STK32B: variants seen among roughly 807,000 people sequenced by gnomAD.
STK32B encodes serine/threonine-protein kinase 32B.
A neutral mutation model predicts 52.6 loss-of-function variants in STK32B; 43 were observed. The ratio of observed to expected loss-of-function variants is 0.82; its 90% CI spans 0.64 to 1.05. The LOEUF is 1.05. Among genes scored for constraint, STK32B ranks in the 50% least tolerant of loss-of-function variants. STK32B has a pLI of 0.00. For missense variants in STK32B, 621 were observed against 534.6 expected (o/e 1.16, Z -1.59); for synonymous variants, 238 against 204.3 (o/e 1.17, Z -1.41).
At chr4:5,110,272 C>CAAAAAAAAAAAAAAAA (rs367760309) in intron 1 of STK32B, among the ~76,000 whole-genome samples, 1 of 106,720 alleles carries the variant, frequency 9.4e-6, no homozygotes, top group Non-Finnish European at 1.9e-5. Context: ...CATATGGAAC[C>CAAAAAAAAAAAAAAAA]AAAAAAAAAA....
At chr4:5,059,366 T>C (rs1427154139) in intron 1 of STK32B, among the ~76,000 whole-genome samples, 1 of 152,168 alleles carries the variant, frequency 6.6e-6, no homozygotes, top group Non-Finnish European at 1.5e-5. Context: ...TACCCTTTAT[T>C]GCACGGAAGA....
At chr4:5,106,648 A>G (rs1714123584) in intron 1 of STK32B, among the ~76,000 whole-genome samples, 1 of 152,212 alleles carries the variant, frequency 6.6e-6, no homozygotes, top group Admixed American at 6.5e-5. Flanking sequence ...ATTGAAATCA[A>G]ATCCAAAGAT....
intron 3 of STK32B, among the ~76,000 whole-genome samples, chr4:5,212,714 G>A (rs1218101978): frequency 6.6e-6 from 1 of 152,182 alleles, no homozygotes; most frequent in Admixed American, 6.5e-5. Flanking sequence ...GTGTTGGTGA[G>A]GGTAGGATGA....
the STK32B span, among the ~76,000 whole-genome samples, chr4:5,027,652 TG>T: frequency 0.11 from 17,035 of 152,256 alleles, 1,128 homozygotes; most frequent in Middle Eastern, 0.2. Context: ...TTGTTCTTTC[TG>T]GTTATCAACC....
At chr4:5,434,116 C>T (rs1713825414) in intron 6 of STK32B, among the ~76,000 whole-genome samples, 1 of 152,096 alleles carries the variant, frequency 6.6e-6, no homozygotes, top group Admixed American at 6.6e-5. Context: ...TCCCTGGTGC[C>T]CAGTGTCCGC....
chr4:5,446,645 G>T (rs924305800), intron 6 of STK32B, 28 bp from the exon 7 acceptor site: 1 of 1,602,688 alleles, frequency 6.2e-7, no homozygotes, highest in South Asian at 1.1e-5. Flanking sequence ...GATACACAAT[G>T]ATGTTCTCCT....
intron 1 of STK32B, among the ~76,000 whole-genome samples, chr4:5,130,885 T>G (rs1715729478): frequency 6.6e-6 from 1 of 152,238 alleles, no homozygotes; most frequent in Admixed American, 6.5e-5. Flanking sequence ...AATCCTTTCT[T>G]CTTCTCATCC....
Position 5,399,816 on chromosome 4 carries a change from C to T in STK32B, c.472+1572C>T, listed in dbSNP as rs928272078. On this transcript the variant is annotated intron_variant, in intron 5 of 11. Coordinates refer to ENST00000282908, the MANE Select transcript of STK32B (RefSeq NM_018401.3). The surrounding 1 kb of genome is among the most constrained non-coding windows in gnomAD (Gnocchi z 5.4). ...TCAGCCACCCATCACAGTATGCAAGCGCTCGGGAAGGGGTAGATAACTCGC... is the reference window on the plus strand; with the variant it reads ...TCAGCCACCCATCACAGTATGCAAGTGCTCGGGAAGGGGTAGATAACTCGC... 1.6e-4 allele frequency among the ~76,000 whole-genome samples: 24 copies of T among 152,136 alleles called. No individual in the cohort carries two copies. In the South Asian group the frequency reaches 1.7e-3, roughly 11 times the overall value.
intron 11 of STK32B, among the ~76,000 whole-genome samples, chr4:5,475,622 T>C (rs1254682323): frequency 1.4e-5 from 2 of 144,986 alleles, no homozygotes; most frequent in African/African-American, 5.1e-5. Context: ...TGCTTGAACC[T>C]GGAAAGCAGA....
chr4:5,497,648 G>A (rs547504407), intron 11 of STK32B, among the ~76,000 whole-genome samples: 29 of 152,298 alleles, frequency 1.9e-4, no homozygotes, highest in African/African-American at 7.0e-4. Flanking sequence ...GTATTTCAGT[G>A]TTATCTGAAG....
At position 5,069,183 on chromosome 4, in the gene STK32B, A is replaced by C. The variant is rs559983948; in HGVS notation, c.52+17268A>C. 1.4e-3 allele frequency among the ~76,000 whole-genome samples: 184 copies of C among 135,042 alleles called. 4 individuals are homozygous for C. The Admixed American group carries it at 0.014, about 11-fold the overall frequency. The allele number at this position is 135,042 out of a possible 152,430, so 88.6% of individuals were successfully genotyped here. ...TTGTGTTTTAGTTCAAGGTAATGGC[A>C]GGTTCTCTTTTTTTTTTTTTTTTTT... On this transcript the variant is annotated intron_variant, in intron 1 of 11. Coordinates refer to ENST00000282908, the MANE Select transcript of STK32B (RefSeq NM_018401.3).
chr4:5,365,030 C>T (rs1200060231), intron 4 of STK32B, among the ~76,000 whole-genome samples: 1 of 152,096 alleles, frequency 6.6e-6, no homozygotes, highest in African/African-American at 2.4e-5. Flanking sequence ...CATCCACCAC[C>T]ACACCCGGCT....
chr4:5,389,485 A>G (rs1736461292), intron 4 of STK32B, among the ~76,000 whole-genome samples: 1 of 152,130 alleles, frequency 6.6e-6, no homozygotes. Context: ...GTTCCTCTGC[A>G]CACAGGGCCC....
chr4:5,358,302 A>G (rs1734309464), intron 4 of STK32B, among the ~76,000 whole-genome samples: 1 of 152,254 alleles, frequency 6.6e-6, no homozygotes, highest in Admixed American at 6.5e-5. Flanking sequence ...CAGGAAACAA[A>G]TCTTTAAAAG....
chr4:5,114,926 C>T (rs907533302), intron 1 of STK32B, among the ~76,000 whole-genome samples: 13 of 152,114 alleles, frequency 8.5e-5, no homozygotes, highest in Non-Finnish European at 2.9e-5. Context: ...CACACCCTGA[C>T]CCCATATAAT....
At chr4:5,198,160 C>G (rs1000192104) in intron 3 of STK32B, among the ~76,000 whole-genome samples, 15 of 152,170 alleles carry the variant, frequency 9.9e-5, no homozygotes, top group African/African-American at 1.4e-4. Context: ...GGATACTTCT[C>G]AAAGTTAGCT....
At chr4:5,043,377 T>G in the STK32B span, among the ~76,000 whole-genome samples, 1 of 152,244 alleles carries the variant, frequency 6.6e-6, no homozygotes, top group African/African-American at 2.4e-5. Flanking sequence ...ATACATTTAC[T>G]TAGTTTTCAA....
At chr4:5,405,011 C>T (rs569072415) in intron 5 of STK32B, among the ~76,000 whole-genome samples, 17 of 151,574 alleles carry the variant, frequency 1.1e-4, no homozygotes, top group South Asian at 2.1e-4. Flanking sequence ...GGACTACAGG[C>T]GCCCACCACC....
At chr4:5,437,278 A>C (rs936572674) in intron 6 of STK32B, among the ~76,000 whole-genome samples, 1 of 152,228 alleles carries the variant, frequency 6.6e-6, no homozygotes, top group Non-Finnish European at 1.5e-5. Flanking sequence ...ATAGAAGTTC[A>C]TTTTCCCACA....
Sources: gnomAD v4.1 joint callset for allele counts (sites outside exome capture counted in the v4.1 genomes callset) on GRCh38, gnomAD v4.1.1 for gene constraint, Gnocchi (gnomAD v3.1) non-coding constraint, MANE v1.5 for transcripts, NCBI Gene and HGNC (gene_info 2026-07-23, HGNC 2026-07-21) for gene names.